The following CPLX1 variants were observed in gnomAD, a reference collection of about 807,000 sequenced individuals.
The protein encoded by CPLX1 is complexin 1.
A neutral mutation model predicts 15.6 loss-of-function variants in CPLX1; 6 were observed. The ratio of observed to expected loss-of-function variants is 0.39; its 90% CI spans 0.21 to 0.76. The LOEUF (loss-of-function observed/expected upper bound fraction) is 0.76. CPLX1 is among the 30% of genes least tolerant of loss of function. The pLI, the probability that CPLX1 is intolerant of heterozygous loss-of-function variation, is 0.43. For synonymous variants in CPLX1, 91 were observed against 75.2 expected (o/e 1.21, Z -1.08); for missense variants, 242 against 188.6 (o/e 1.28, Z -1.66).
At chr4:787,930 A>T in intron 3 of CPLX1, 1 of 985,188 alleles carries the variant, frequency 1.0e-6, no homozygotes, top group Non-Finnish European at 1.2e-6. Flanking sequence ...ACGGAGCTGG[A>T]CTTCCATCCC....
intron 2 of CPLX1, chr4:804,733 G>A: frequency 2.0e-6 from 2 of 985,336 alleles, no homozygotes; most frequent in Non-Finnish European, 2.4e-6. Context: ...CAACCCAAGT[G>A]TCACAAAGAA....
intron 2 of CPLX1, among the ~76,000 whole-genome samples, chr4:818,857 C>T (rs1288780725): frequency 2.0e-5 from 3 of 152,236 alleles, no homozygotes; most frequent in Non-Finnish European, 4.4e-5. Context: ...CGGCCAAGGA[C>T]GGTGCTGGAC....
chr4:790,305 G>C (rs1347552148), intron 3 of CPLX1, among the ~76,000 whole-genome samples: 2 of 152,210 alleles, frequency 1.3e-5, no homozygotes, highest in African/African-American at 4.8e-5. Context: ...TGTTCTCTGA[G>C]GGGCTTAGAC....
In CPLX1 at chr4:816,312, G is replaced by A. The variant is rs534791299; in HGVS notation, c.31+8180C>T. Among the ~76,000 whole-genome samples, 47 of 146,642 alleles carry A rather than the reference G, an allele frequency of 3.2e-4. 1 individual carries two copies. In the Admixed American group the frequency reaches 3.2e-3, roughly 10 times the overall value. On this transcript the variant is annotated intron_variant, in intron 2 of 3. Transcript: ENST00000304062. ...CGGCTCACTGCAACTTCCGCCTCCC[G>A]GGTTCAAGCAATTCTCCTGCCTCAG...
chr4:805,070 G>A (rs1455591161), intron 2 of CPLX1, among the ~76,000 whole-genome samples: 1 of 152,264 alleles, frequency 6.6e-6, no homozygotes, highest in East Asian at 1.9e-4. Flanking sequence ...TGGAGACAAG[G>A]TGATATCTTG....
intron 2 of CPLX1, among the ~76,000 whole-genome samples, chr4:796,484 C>T (rs182582311): frequency 4.5e-4 from 69 of 152,292 alleles, no homozygotes; most frequent in African/African-American, 1.2e-3. Flanking sequence ...CGGGTTTCAC[C>T]GTATTGGCCA....
In CPLX1 at chr4:814,833, G is replaced by A. The variant is rs374999353; in HGVS notation, c.31+9659C>T. 2.0e-4 allele frequency among the ~76,000 whole-genome samples: 30 copies of A among 152,296 alleles called. 2 individuals carry two copies. The Middle Eastern group carries it at 0.027, about 138-fold the overall frequency. On this transcript the variant is annotated intron_variant, in intron 2 of 3. Coordinates refer to ENST00000304062, the MANE Select transcript of CPLX1 (RefSeq NM_006651.4). ...ACAAGTGTCGTGTGTGAGGGGCCCC[G>A]GCCATGGGTCGGGTAACTAGCGTTC...
At chr4:821,869 C>G (rs945403446) in intron 2 of CPLX1, among the ~76,000 whole-genome samples, 1 of 152,212 alleles carries the variant, frequency 6.6e-6, no homozygotes, top group Admixed American at 6.5e-5. Context: ...CAGCAAGACT[C>G]ACACCTGCGG....
intron 2 of CPLX1, among the ~76,000 whole-genome samples, chr4:816,087 G>GT (rs1746750417): frequency 6.6e-6 from 1 of 152,118 alleles, no homozygotes; most frequent in Non-Finnish European, 1.5e-5. Context: ...TTGGAGGCTG[G>GT]TTTTTCTCAC....
chr4:814,092 A>C (rs1746707839), intron 2 of CPLX1, among the ~76,000 whole-genome samples: 1 of 152,236 alleles, frequency 6.6e-6, no homozygotes, highest in Non-Finnish European at 1.5e-5. Context: ...TCTCCCGTCC[A>C]GCAGGTGGAA....
chr4:785,600 C>T lies in CPLX1; in HGVS notation c.*901G>A, dbSNP rs908878856. The T allele has an allele frequency of 1.3e-5, 2 of 152,590 alleles. No homozygotes were observed. The highest frequency in any genetic ancestry group is 3.9e-4 in the East Asian group (2 of 5,176). The allele number at this position is 152,590 out of a possible 1,614,324, so 9.5% of individuals were successfully genotyped here. A position where few individuals can be genotyped will look rare whatever the true frequency, so the allele number is the denominator to read the frequency against. On this transcript the variant is annotated 3_prime_UTR_variant, in exon 4 of 4. Transcript: ENST00000304062. ...GCCACCAGGTGGATTAGGCCACACA[C>T]GCGCCAGCTGCGCGCAGGGAACCCC...
intron 3 of CPLX1, chr4:787,573 A>G (rs1052854221): frequency 1.1e-5 from 8 of 709,818 alleles, no homozygotes; most frequent in Non-Finnish European, 1.4e-5. Context: ...GGGGGCGGGC[A>G]TACGAAAGCG....
At chr4:802,435 C>A (rs1341462099) in intron 2 of CPLX1, among the ~76,000 whole-genome samples, 2 of 152,140 alleles carry the variant, frequency 1.3e-5, no homozygotes, top group Non-Finnish European at 2.9e-5. Context: ...CTTAAGAGGG[C>A]AATGGTTATT....
intron 1 of CPLX1, among the ~76,000 whole-genome samples, chr4:825,727 G>A (rs904223822): frequency 6.7e-6 from 1 of 150,366 alleles, no homozygotes; most frequent in Non-Finnish European, 1.5e-5. Flanking sequence ...CGCCCGCCCC[G>A]GACCCCGCGC....
At chr4:793,387 G>A (rs1369363223) in intron 2 of CPLX1, among the ~76,000 whole-genome samples, 1 of 152,136 alleles carries the variant, frequency 6.6e-6, no homozygotes, top group Non-Finnish European at 1.5e-5. Context: ...ATTGCTCTGC[G>A]GTGCTAGTCA....
chr4:787,792 G>A lies in CPLX1; in HGVS notation c.208-1094C>T, dbSNP rs540993377. 44 of 985,358 alleles carry A rather than the reference G, an allele frequency of 4.5e-5. 1 individual carries two copies. Among genetic ancestry groups the A allele is most frequent in the South Asian group, 1.9e-4 (4 of 21,268 alleles). The allele number at this position is 985,358 out of a possible 1,614,324, so 61.0% of individuals were successfully genotyped here. A position where few individuals can be genotyped will look rare whatever the true frequency, so the allele number is the denominator to read the frequency against. On this transcript the variant is annotated intron_variant, in intron 3 of 3. Coordinates refer to ENST00000304062, the MANE Select transcript of CPLX1 (RefSeq NM_006651.4). ...CGCCACACTCCTCCAGCCCTCCCGT[G>A]AGCCACCAGCCCAGGAAGCCTGTGG...
At chr4:820,194 C>T (rs538189121) in intron 2 of CPLX1, among the ~76,000 whole-genome samples, 29 of 151,850 alleles carry the variant, frequency 1.9e-4, no homozygotes, top group African/African-American at 5.8e-4. Flanking sequence ...CACCGTCCTC[C>T]CGGACCCAGC....
chr4:794,577 C>T (rs957913884), intron 2 of CPLX1, among the ~76,000 whole-genome samples: 1 of 152,322 alleles, frequency 6.6e-6, no homozygotes, highest in Middle Eastern at 3.4e-3. Context: ...CTCTCTGCCT[C>T]CAGCGGGCTG....
chr4:799,360 G>C (rs1435812519), intron 2 of CPLX1, among the ~76,000 whole-genome samples: 1 of 152,248 alleles, frequency 6.6e-6, no homozygotes, highest in Non-Finnish European at 1.5e-5. Context: ...AAGAGGCGGG[G>C]TTCAGGAGCT....
Sources: allele counts gnomAD v4.1 joint callset (sites outside exome capture counted in the v4.1 genomes callset), GRCh38; gene constraint gnomAD v4.1.1; transcripts MANE v1.5; gene names NCBI Gene and HGNC (gene_info 2026-07-23, HGNC 2026-07-21).